The following CHD1 variants were observed in gnomAD, a reference collection of about 807,000 sequenced individuals.
CHD1 encodes the protein chromodomain helicase DNA binding protein 1.
CHD1 carries 36 observed loss-of-function variants against 224.2 expected under a neutral mutation model. The ratio of observed to expected loss-of-function variants is 0.16; its 90% CI spans 0.12 to 0.21. CHD1 has a LOEUF of 0.21. Among genes scored for constraint, CHD1 ranks in the 10% least tolerant of loss-of-function variants. The pLI is 1.00. For synonymous variants in CHD1, 668 were observed against 658.3 expected (o/e 1.01, Z -0.23); for missense variants, 1,378 against 1,994.8 (o/e 0.69, Z 5.89).
chr5:98,904,616 A>G (rs1226449161), intron 3 of CHD1, among the ~76,000 whole-genome samples: 2 of 152,208 alleles, frequency 1.3e-5, no homozygotes, highest in Non-Finnish European at 2.9e-5. Flanking sequence ...TCTATGACAC[A>G]ATGGATATTT....
At chr5:98,921,669 A>C (rs1033247396) in intron 2 of CHD1, among the ~76,000 whole-genome samples, 21 of 152,326 alleles carry the variant, frequency 1.4e-4, no homozygotes, top group African/African-American at 5.1e-4. Flanking sequence ...ATAACCAATC[A>C]GTCATCAAGA....
At chr5:98,891,337 A>G (rs1275326912) in intron 15 of CHD1, among the ~76,000 whole-genome samples, 1 of 152,154 alleles carries the variant, frequency 6.6e-6, no homozygotes, top group Non-Finnish European at 1.5e-5. Context: ...TCAGCCTCCC[A>G]AAGTACTGGG....
At chr5:98,892,134 T>C (rs942348985) in intron 15 of CHD1, among the ~76,000 whole-genome samples, 1 of 152,214 alleles carries the variant, frequency 6.6e-6, no homozygotes, top group Non-Finnish European at 1.5e-5. Context: ...CAGCTATGAT[T>C]TGTTAATACT....
intron 22 of CHD1, among the ~76,000 whole-genome samples, chr5:98,880,644 T>C (rs1750107128): frequency 1.3e-5 from 2 of 152,206 alleles, no homozygotes. Context: ...GGATATTAAG[T>C]ATCAATATAT....
chr5:98,867,935 T>G (rs1233416212), intron 31 of CHD1, among the ~76,000 whole-genome samples: 1 of 151,672 alleles, frequency 6.6e-6, no homozygotes, highest in Non-Finnish European at 1.5e-5. Flanking sequence ...CCCGAGTAGC[T>G]GAGATTACAG....
rs1382716096 is a variant in CHD1 at position 98,879,639 on chromosome 5, A to G, written c.3150T>C (p.Asp1050=). 1 of 1,609,230 alleles carries G rather than the reference A, an allele frequency of 6.2e-7. No homozygotes were observed. The change falls in exon 23 of 36, where the codon GAT becomes GAC. Residue 1050 remains aspartate, a synonymous_variant. Transcript: ENST00000614616. ...SKNWEEIIPE[D]QRRRLEEEER... Reference sequence around the variant, plus strand: ...CTTCTTCTTCTAATCGTCTTCTTTGATCTTCTGGAATAATTTCCTCCCAAT... The same window carrying G: ...CTTCTTCTTCTAATCGTCTTCTTTGGTCTTCTGGAATAATTTCCTCCCAAT...
At chr5:98,927,298 C>A (rs374562450) in intron 1 of CHD1, among the ~76,000 whole-genome samples, 36 of 152,280 alleles carry the variant, frequency 2.4e-4, no homozygotes, top group East Asian at 7.7e-4. Context: ...GAATCACCTA[C>A]AAGCCATCCA....
intron 34 of CHD1, 58 bp downstream of exon 34, chr5:98,858,906 C>G: frequency 8.1e-7 from 1 of 1,234,840 alleles, no homozygotes. Flanking sequence ...TTATTTAAAA[C>G]AAAAATTTAA....
At chr5:98,861,239 A>C (rs897050034) in intron 32 of CHD1, among the ~76,000 whole-genome samples, 1 of 152,194 alleles carries the variant, frequency 6.6e-6, no homozygotes, top group Admixed American at 6.5e-5. Context: ...TTCTTCTGTA[A>C]AATGGAATAG....
At chr5:98,904,340 G>A (rs1751913810) in intron 3 of CHD1, among the ~76,000 whole-genome samples, 1 of 152,110 alleles carries the variant, frequency 6.6e-6, no homozygotes, top group Admixed American at 6.6e-5. Context: ...TTTATATTCT[G>A]GCCCTCAAGC....
chr5:98,909,223 C>A (rs1393591979), intron 2 of CHD1, among the ~76,000 whole-genome samples: 1 of 152,084 alleles, frequency 6.6e-6, no homozygotes, highest in African/African-American at 2.4e-5. Context: ...ATTGTTTCTT[C>A]CACTCTTCTG....
chr5:98,904,454 C>T (rs1751921534), intron 3 of CHD1, among the ~76,000 whole-genome samples: 1 of 152,122 alleles, frequency 6.6e-6, no homozygotes, highest in Non-Finnish European at 1.5e-5. Context: ...CAGAATAGCC[C>T]CTTACCCTAT....
Position 98,889,100 on chromosome 5 carries a change from G to T in CHD1, c.2319C>A (p.Phe773Leu), listed in dbSNP as rs1750839789. Residue 773 changes from phenylalanine (F) to leucine (L), a missense_variant, in exon 16 of 36, where the codon TTC (phenylalanine) becomes TTA (leucine). Physicochemically the swap from Phe to Leu is conservative, Grantham distance 22. Around this residue, in one of 16 missense-constraint regions of CHD1, gnomAD observed 58 missense variants for 90.0 expected, o/e 0.64. Transcript: ENST00000614616. ...YLIKPPDNNEFYNKQEALQHL... is the reference protein window; with the variant it reads ...YLIKPPDNNELYNKQEALQHL... ...CTTGTAAGGCCTCCTGTTTATTATA[G>T]AATTCATTATTATCTGGTGGTTTAA... 1.3e-6 allele frequency: 2 copies of T among 1,590,888 alleles called. No individual in the cohort carries two copies. The highest frequency in any genetic ancestry group is 8.6e-7 in the Non-Finnish European group (1 of 1,162,252).
chr5:98,868,435 CA>C, intron 31 of CHD1, 59 bp downstream of exon 31: 1 of 1,399,012 alleles, frequency 7.1e-7, no homozygotes, highest in East Asian at 2.9e-5. Flanking sequence ...CTATAAATGA[CA>C]AACTTCAACT....
chr5:98,866,790 A>C (rs79653596), intron 31 of CHD1, among the ~76,000 whole-genome samples: 2 of 152,136 alleles, frequency 1.3e-5, no homozygotes, highest in Non-Finnish European at 2.9e-5. Context: ...TGTGGCTTGT[A>C]AGGAAACATT....
intron 2 of CHD1, among the ~76,000 whole-genome samples, chr5:98,919,812 C>A (rs1028898643): frequency 6.6e-6 from 1 of 152,028 alleles, no homozygotes; most frequent in East Asian, 1.9e-4. Flanking sequence ...ACATATATTA[C>A]CTAGCTCTGT....
Position 98,863,503 on chromosome 5 carries a change from T to C in CHD1, c.4332A>G (p.Leu1444=). ...TTATTAAACATTGTCTAGTATGCTC[T>C]AGTTGTTCTCTTTCTGAAAGGCCTT... is the stretch of plus-strand genomic sequence containing the variant. ...PEKGLSEREQ[L]EHTRQCLIKI... The change falls in exon 32 of 36, where the codon CTA becomes CTG. Residue 1444 remains leucine (L), a synonymous_variant. Transcript: ENST00000614616. The C allele has an allele frequency of 1.2e-6, 2 of 1,610,334 alleles. No homozygotes were observed. The highest frequency in any genetic ancestry group is 1.7e-6 in the Non-Finnish European group (2 of 1,177,856).
At chr5:98,877,588 C>G (rs1448000009) in intron 23 of CHD1, among the ~76,000 whole-genome samples, 1 of 152,154 alleles carries the variant, frequency 6.6e-6, no homozygotes, top group African/African-American at 2.4e-5. Flanking sequence ...TTCTGTAAGT[C>G]TTGGGAGTTT....
intron 23 of CHD1, among the ~76,000 whole-genome samples, chr5:98,879,327 A>C (rs938039834): frequency 2.6e-5 from 4 of 152,078 alleles, no homozygotes; most frequent in East Asian, 1.9e-4. Flanking sequence ...TGAAATTAAA[A>C]ACACACACAC....
Sources: gnomAD v4.1 joint callset for allele counts (sites outside exome capture counted in the v4.1 genomes callset) on GRCh38, gnomAD v4.1.1 for gene constraint, gnomAD v4.1.1 regional missense constraint, MANE v1.5 for transcripts, NCBI Gene and HGNC (gene_info 2026-07-23, HGNC 2026-07-21) for gene names.